NRXN1: variants seen among roughly 807,000 people sequenced by gnomAD.
The protein encoded by NRXN1 is neurexin 1.
A neutral mutation model predicts 150.9 loss-of-function variants in NRXN1; 39 were observed. The observed-to-expected ratio is 0.26, with a 90% CI of 0.20 to 0.34. The LOEUF is 0.34. Ranked by LOEUF, NRXN1 falls within the 10% of genes least tolerant of loss-of-function variation. The pLI, the probability that NRXN1 is intolerant of heterozygous loss-of-function variation, is 1.00. For missense variants in NRXN1, 1,815 were observed against 1,949.9 expected (o/e 0.93, Z 1.30); for synonymous variants, 924 against 757.0 (o/e 1.22, Z -3.62).
At chr2:50,585,110 TA>T (rs1672881538) in intron 8 of NRXN1, among the ~76,000 whole-genome samples, 1 of 152,136 alleles carries the variant, frequency 6.6e-6, no homozygotes, top group African/African-American at 2.4e-5. Flanking sequence ...AATAATGTAG[TA>T]GTAGTTTAGC....
chr2:50,913,884 A>T (rs1029210278), intron 5 of NRXN1, among the ~76,000 whole-genome samples: 7 of 151,812 alleles, frequency 4.6e-5, no homozygotes, highest in South Asian at 2.1e-4. Flanking sequence ...ATTTCTTAAT[A>T]TAAACCGTGA....
chr2:50,911,997 A>G (rs2104111963), intron 5 of NRXN1, among the ~76,000 whole-genome samples: 1 of 152,030 alleles, frequency 6.6e-6, no homozygotes, highest in South Asian at 2.1e-4. Context: ...CTTCTTTTAA[A>G]GCAAGTTAAT....
At chr2:50,550,440 T>C (rs1352062931) in intron 9 of NRXN1, among the ~76,000 whole-genome samples, 1 of 152,052 alleles carries the variant, frequency 6.6e-6, no homozygotes, top group East Asian at 1.9e-4. Flanking sequence ...ATTTTCAAAA[T>C]TTTATTCTAG....
At chr2:50,845,564 C>T (rs1673520068) in intron 5 of NRXN1, among the ~76,000 whole-genome samples, 1 of 152,178 alleles carries the variant, frequency 6.6e-6, no homozygotes, top group Non-Finnish European at 1.5e-5. Context: ...CACTTGTTAA[C>T]TCTCTGTTTT....
intron 5 of NRXN1, among the ~76,000 whole-genome samples, chr2:50,795,420 T>G (rs1473754750): frequency 6.6e-6 from 1 of 152,150 alleles, no homozygotes; most frequent in Non-Finnish European, 1.5e-5. Context: ...TATCAACCTC[T>G]GTGCTCATCA....
chr2:50,380,384 C>G (rs1245053144), intron 17 of NRXN1, among the ~76,000 whole-genome samples: 1 of 152,064 alleles, frequency 6.6e-6, no homozygotes, highest in Non-Finnish European at 1.5e-5. Context: ...TCTTAACTGT[C>G]AAAATGGTCC....
At chr2:50,779,722 C>T (rs1048785415) in intron 5 of NRXN1, among the ~76,000 whole-genome samples, 2 of 151,908 alleles carry the variant, frequency 1.3e-5, no homozygotes, top group Non-Finnish European at 2.9e-5. Context: ...GAGCTGAGAT[C>T]GCGCCACTGC....
At chr2:50,041,765 CA>C (rs1208689831) in intron 21 of NRXN1, among the ~76,000 whole-genome samples, 3 of 152,156 alleles carry the variant, frequency 2.0e-5, no homozygotes. Flanking sequence ...CAAGTCTAAA[CA>C]ATGTCAGTGA....
intron 17 of NRXN1, among the ~76,000 whole-genome samples, chr2:50,354,586 T>TATATATACAC (rs1273118975): frequency 5.6e-5 from 7 of 124,838 alleles, no homozygotes; most frequent in Admixed American, 4.2e-4. Context: ...TATATATATA[T>TATATATACAC]ACACACACAC....
intron 19 of NRXN1, among the ~76,000 whole-genome samples, chr2:50,069,351 TCAA>T (rs1695855471): frequency 6.6e-6 from 1 of 152,138 alleles, no homozygotes; most frequent in Non-Finnish European, 1.5e-5. Flanking sequence ...AAGCTGACCC[TCAA>T]TGCTAATGGC....
chr2:50,076,245 T>C (rs1263884682), intron 19 of NRXN1, among the ~76,000 whole-genome samples: 2 of 152,194 alleles, frequency 1.3e-5, no homozygotes, highest in Non-Finnish European at 2.9e-5. Flanking sequence ...TTTGTCTCCA[T>C]TTATGTGAAC....
chr2:50,435,532 T>C (rs914688828), intron 17 of NRXN1, among the ~76,000 whole-genome samples: 1 of 152,212 alleles, frequency 6.6e-6, no homozygotes, highest in Non-Finnish European at 1.5e-5. Context: ...ATTTTCTTTA[T>C]CTAGTCTACC....
intron 8 of NRXN1, among the ~76,000 whole-genome samples, chr2:50,608,292 C>T (rs1026308842): frequency 2.6e-5 from 4 of 152,186 alleles, no homozygotes; most frequent in East Asian, 1.9e-4. Flanking sequence ...CGTACTCTAG[C>T]TCAGTGATTT....
Position 50,346,585 on chromosome 2 carries a change from T to G in NRXN1, c.3365-109615A>C. 8.2e-7 allele frequency: 1 copy of G among 1,219,888 alleles called. No homozygotes were observed. The highest frequency in any genetic ancestry group is 1.2e-6 in the Non-Finnish European group (1 of 839,546). 75.6% of individuals were successfully genotyped at this position (1,219,888 alleles called of 1,614,324 possible). On this transcript the variant is annotated intron_variant, in intron 17 of 22. Transcript: ENST00000401669. This position sits in a 1 kb window ranked among gnomAD's most constrained non-coding sequence, Gnocchi z 5.0. ...AAGCACACCCAAATGCACCTCCCTT[T>G]TGTCGAGCTCCCATTTCTCTGAGCC... is the stretch of plus-strand genomic sequence containing the variant.
At chr2:50,253,961 A>G (rs573600037) in intron 17 of NRXN1, among the ~76,000 whole-genome samples, 7 of 150,864 alleles carry the variant, frequency 4.6e-5, no homozygotes, top group African/African-American at 1.5e-4. Flanking sequence ...CTCCTTTTCA[A>G]TTGTTTGGAA....
In NRXN1 at chr2:50,588,767, A is replaced by G. The variant is rs553541647; in HGVS notation, c.1320+31255T>C. On this transcript the variant is annotated intron_variant, in intron 8 of 22. Coordinates refer to ENST00000401669, the MANE Select transcript of NRXN1 (RefSeq NM_001330078.2). ...GAGGAAGATGAACCCTACGGCTCAG[A>G]GTACCGCGGCAGATCATTTGATGTT... The G allele has an allele frequency of 3.3e-5, 5 of 152,298 alleles. No homozygotes were observed. The South Asian group carries it at 1.0e-3, about 32-fold the overall frequency. The allele number at this position is 152,298 out of a possible 1,614,324, so 9.4% of individuals were successfully genotyped here. A position where few individuals can be genotyped will look rare whatever the true frequency, so the allele number is the denominator to read the frequency against.
At chr2:49,930,099 G>C (rs548551893) in intron 22 of NRXN1, among the ~76,000 whole-genome samples, 213 of 152,274 alleles carry the variant, frequency 1.4e-3, no homozygotes, top group Non-Finnish European at 2.2e-3. Flanking sequence ...TGACCTTGAG[G>C]AAACAAAGTT....
intron 21 of NRXN1, among the ~76,000 whole-genome samples, chr2:50,026,859 C>CTTTCTTTTTTTTTTTTT (rs1688381537): frequency 1.5e-5 from 1 of 65,234 alleles, no homozygotes; most frequent in Non-Finnish European, 2.7e-5. Context: ...CTTTTCTTTT[C>CTTTCTTTTTTTTTTTTT]TTTTTTTTTT....
At chr2:50,556,205 C>T (rs1411226917) in intron 8 of NRXN1, among the ~76,000 whole-genome samples, 1 of 152,042 alleles carries the variant, frequency 6.6e-6, no homozygotes, top group African/African-American at 2.4e-5. Flanking sequence ...AAAGTTAGAC[C>T]TACTCTTAAA....
Sources: gnomAD v4.1 joint callset for allele counts (sites outside exome capture counted in the v4.1 genomes callset) on GRCh38, gnomAD v4.1.1 for gene constraint, Gnocchi (gnomAD v3.1) non-coding constraint, MANE v1.5 for transcripts, NCBI Gene and HGNC (gene_info 2026-07-23, HGNC 2026-07-21) for gene names.